The following CCNYL1 variants were observed in gnomAD, a reference collection of about 807,000 sequenced individuals.
CCNYL1 encodes the protein cyclin Y like 1.
Under a neutral mutation model 44.2 loss-of-function variants are expected in CCNYL1, and 16 were observed. The ratio of observed to expected loss-of-function variants is 0.36; its 90% CI spans 0.25 to 0.55. CCNYL1 has a LOEUF of 0.55. Ranked by LOEUF, CCNYL1 falls within the 20% of genes least tolerant of loss-of-function variation. The pLI, the probability that CCNYL1 is intolerant of heterozygous loss-of-function variation, is 0.85. For synonymous variants in CCNYL1, 159 were observed against 163.2 expected (o/e 0.97, Z 0.20); for missense variants, 348 against 451.8 (o/e 0.77, Z 2.08).
Position 207,737,269 on chromosome 2 carries a change from A to AAGT in CCNYL1, c.432-140_432-138dup, listed in dbSNP as rs1391710035. 6.1e-6 allele frequency: 4 copies of AAGT among 652,794 alleles called. No homozygotes were observed. In the African/African-American group the frequency reaches 7.5e-5, roughly 12 times the overall value. 40.4% of individuals were successfully genotyped at this position (652,794 alleles called of 1,614,324 possible). On this transcript the variant is annotated intron_variant, in intron 4 of 9. Transcript: ENST00000295414. The stretch of plus-strand genomic sequence containing the variant: ...GCTGAAAGGAACTAAAACAAGGGGA[A>AAGT]AGTACCCATATGGTACTGTTCTGAA...
intron 1 of CCNYL1, among the ~76,000 whole-genome samples, chr2:207,722,143 G>A (rs554269407): frequency 5.1e-4 from 76 of 150,322 alleles, no homozygotes; most frequent in South Asian, 1.9e-3. Flanking sequence ...TGTGATCTTG[G>A]TTCACTGCAA....
chr2:207,725,021 ACTTTC>A (rs2091669499), intron 2 of CCNYL1, 147 bp downstream of exon 2: 2 of 622,586 alleles, frequency 3.2e-6, no homozygotes, highest in South Asian at 2.3e-5. Flanking sequence ...TATGTGATAT[ACTTTC>A]CTTTAGTTGT....
In CCNYL1 at chr2:207,747,049, T is replaced by G; in HGVS notation, c.642T>G (p.Val214=). 6.2e-7 allele frequency: 1 copy of G among 1,613,312 alleles called. No homozygotes were observed. The highest frequency in any genetic ancestry group is 8.5e-7 in the Non-Finnish European group (1 of 1,179,388). The stretch of plus-strand genomic sequence containing the variant: ...AAGACCAGTGCTCTATTTTACAGGT[T>G]TACTTAGAAAGGCTTTTAACTTATG... ...LTAECAIVTL[V]YLERLLTYAE... is the part of the protein sequence containing the mutation. Residue 214 remains valine, a splice_region_variant and synonymous_variant, in exon 8 of 10, where the codon GTT becomes GTG. Coordinates refer to ENST00000295414, the MANE Select transcript of CCNYL1 (RefSeq NM_001330218.2).
intron 1 of CCNYL1, among the ~76,000 whole-genome samples, chr2:207,716,154 A>G (rs956338734): frequency 2.6e-5 from 4 of 152,260 alleles, no homozygotes; most frequent in African/African-American, 7.2e-5. Context: ...TTGACTTTTC[A>G]TGGAGCATTT....
chr2:207,726,271 A>G (rs895131577), intron 2 of CCNYL1, among the ~76,000 whole-genome samples: 12 of 152,246 alleles, frequency 7.9e-5, no homozygotes, highest in African/African-American at 2.9e-4. Context: ...ACCATGTTCA[A>G]TTAGGTTAAC....
At position 207,755,466 on chromosome 2, in the gene CCNYL1, AC is replaced by A. The variant is rs771753993; in HGVS notation, c.*1769del. On this transcript the variant is annotated 3_prime_UTR_variant, in exon 10 of 10. Transcript: ENST00000295414. ...TCTACAAGTATCAAAGCTTAAAATT[AC>A]ACTGAACTTTTGGAATACCTTGTAT... 1 of 152,232 alleles carries A rather than the reference AC, an allele frequency of 6.6e-6. No homozygotes were observed. The highest frequency in any genetic ancestry group is 1.5e-5 in the Non-Finnish European group (1 of 68,036). The allele number at this position is 152,232 out of a possible 1,614,324, so 9.4% of individuals were successfully genotyped here.
At position 207,754,906 on chromosome 2, in the gene CCNYL1, G is replaced by A. The variant is rs933288569; in HGVS notation, c.*1208G>A. ...TATTCAAAATTTGCAAAATGAAGCT[G>A]GGTGTGGTGGTGCACGCCTATAGTC... On this transcript the variant is annotated 3_prime_UTR_variant, in exon 10 of 10. Coordinates refer to ENST00000295414, the MANE Select transcript of CCNYL1 (RefSeq NM_001330218.2). The A allele has an allele frequency of 1.5e-4, 23 of 152,090 alleles. No individual in the cohort carries two copies. Among genetic ancestry groups the A allele is most frequent in the Admixed American group, 1.5e-3 (23 of 15,262 alleles). The allele number at this position is 152,090 out of a possible 1,614,324, so 9.4% of individuals were successfully genotyped here. A position where few individuals can be genotyped will look rare whatever the true frequency, so the allele number is the denominator to read the frequency against.
At chr2:207,753,497 TCCA>T (rs1355571374) in intron 9 of CCNYL1, 88 bp from the exon 10 acceptor site, 6 of 814,438 alleles carry the variant, frequency 7.4e-6, no homozygotes, top group African/African-American at 1.7e-5. Flanking sequence ...TCTAAAGGAG[TCCA>T]CATGTGTGGC....
chr2:207,714,510 G>A, intron 1 of CCNYL1: 1 of 301,258 alleles, frequency 3.3e-6, no homozygotes, highest in Admixed American at 4.6e-5. Flanking sequence ...TAAAAGTAGA[G>A]GTAACAAAAT....
chr2:207,736,775 T>C (rs1471576320), intron 4 of CCNYL1, among the ~76,000 whole-genome samples: 1 of 152,048 alleles, frequency 6.6e-6, no homozygotes, highest in East Asian at 1.9e-4. Context: ...AACCAAATAG[T>C]TTAAATTTAA....
intron 1 of CCNYL1, 128 bp from the exon 2 acceptor site, chr2:207,724,672 C>T: frequency 1.5e-6 from 1 of 686,988 alleles, no homozygotes; most frequent in Non-Finnish European, 2.5e-6. Context: ...GTCTTTATTT[C>T]CTTTATATTT....
Position 207,711,926 on chromosome 2 carries a change from C to T in CCNYL1, c.30C>T (p.Ser10=), listed in dbSNP as rs2091551252. ...GGAACACGCTGACCTGTTGCGTGTC[C>T]CCCAATGCCAGCCCCAAGCTGGGCC... MGNTLTCCV[S]PNASPKLGRR... is the part of the protein sequence containing the mutation. Residue 10 remains serine (S), a synonymous_variant, in exon 1 of 10, where the codon TCC becomes TCT. Transcript: ENST00000295414. The T allele has an allele frequency of 1.4e-6, 2 of 1,397,616 alleles. No homozygotes were observed. The highest frequency in any genetic ancestry group is 1.9e-6 in the Non-Finnish European group (2 of 1,073,244). 86.6% of individuals were successfully genotyped at this position (1,397,616 alleles called of 1,614,324 possible).
intron 8 of CCNYL1, among the ~76,000 whole-genome samples, chr2:207,749,502 A>C (rs6712007): frequency 0.16 from 23,641 of 152,180 alleles, 3,032 homozygotes; most frequent in East Asian, 0.38. Flanking sequence ...ATTTAAAAAA[A>C]AACAAAAAAC....
chr2:207,724,697 C>A lies in CCNYL1; in HGVS notation c.221-103C>A, dbSNP rs1009425964. On this transcript the variant is annotated intron_variant, in intron 1 of 9. Transcript: ENST00000295414. Reference sequence around the variant, plus strand: ...CCTTTATATTTATTACTAAAAACTTCTCTGAAGACTGTTAAAAGTGATTAA... The same window carrying A: ...CCTTTATATTTATTACTAAAAACTTATCTGAAGACTGTTAAAAGTGATTAA... 7.3e-6 allele frequency: 6 copies of A among 819,856 alleles called. No homozygotes were observed. In the African/African-American group the frequency reaches 8.7e-5, roughly 12 times the overall value. 50.8% of individuals were successfully genotyped at this position (819,856 alleles called of 1,614,324 possible).
Position 207,737,423 on chromosome 2 carries a change from A to T in CCNYL1, c.444A>T (p.Ala148=), listed in dbSNP as rs2091774204. 9 of 1,610,698 alleles carry T rather than the reference A, an allele frequency of 5.6e-6. No homozygotes were observed. Among genetic ancestry groups the T allele is most frequent in the Non-Finnish European group, 6.8e-6 (8 of 1,177,744 alleles). Residue 148 remains alanine, a synonymous_variant, in exon 5 of 10, where the codon GCA becomes GCT. Coordinates refer to ENST00000295414, the MANE Select transcript of CCNYL1 (RefSeq NM_001330218.2). ...LRTTVKCVTL[A]IYYHIKNRDA... ...TTTCCCTTCACAGTGTGACCTTAGC[A>T]ATATATTACCACATAAAGAACAGGT...
chr2:207,751,049 C>T lies in CCNYL1; in HGVS notation c.899C>T (p.Ser300Phe), dbSNP rs144635569. Residue 300 changes from serine to phenylalanine, a missense_variant, in exon 9 of 10, where the codon TCC becomes TTC. Ser to Phe is a radical substitution (Grantham distance 155). Transcript: ENST00000295414. ...GCCAAATACTACTTTGACCTTCGCT[C>T]CTTAGCAGATGACAACAACCTGAAT... Reference protein sequence around the residue: ...VYAKYYFDLRSLADDNNLNFL... With the variant: ...VYAKYYFDLRFLADDNNLNFL... The T allele has an allele frequency of 3.0e-5, 49 of 1,613,988 alleles. No individual in the cohort carries two copies. Among genetic ancestry groups the T allele is most frequent in the Non-Finnish European group, 3.8e-5 (45 of 1,179,970 alleles).
At chr2:207,715,379 CTTTTTTTTTTT>C (rs770646092) in intron 1 of CCNYL1, among the ~76,000 whole-genome samples, 30 of 100,760 alleles carry the variant, frequency 3.0e-4, no homozygotes, top group African/African-American at 9.1e-4. Context: ...CAAGCTATTT[CTTTTTTTTTTT>C]TTTTTTTTTT....
chr2:207,750,062 C>G (rs2091880596), intron 8 of CCNYL1, among the ~76,000 whole-genome samples: 1 of 152,156 alleles, frequency 6.6e-6, no homozygotes, highest in Non-Finnish European at 1.5e-5. Flanking sequence ...ACTCCCAGCC[C>G]TTTCCTCTCC....
chr2:207,714,058 G>A (rs2551934), intron 1 of CCNYL1, among the ~76,000 whole-genome samples: 23,472 of 151,998 alleles, frequency 0.15, 3,016 homozygotes, highest in East Asian at 0.38. Context: ...TCCCCGTGTT[G>A]CTAATGAAGA....
Sources: allele counts gnomAD v4.1 joint callset (sites outside exome capture counted in the v4.1 genomes callset), GRCh38; gene constraint gnomAD v4.1.1; transcripts MANE v1.5; gene names NCBI Gene and HGNC (gene_info 2026-07-23, HGNC 2026-07-21).